The following ATXN7L1 variants were observed in gnomAD, a reference collection of about 807,000 sequenced individuals.
ATXN7L1 encodes ataxin-7-like protein 1.
In ATXN7L1, 15 loss-of-function variants were observed where a neutral mutation model predicts 70.8. The ratio of observed to expected loss-of-function variants is 0.21; its 90% CI spans 0.14 to 0.33. The LOEUF is 0.33. ATXN7L1 is among the 10% of genes least tolerant of loss of function. ATXN7L1 has a pLI of 1.00. For missense variants in ATXN7L1, 975 were observed against 1,097.1 expected (o/e 0.89, Z 1.57); for synonymous variants, 440 against 445.1 (o/e 0.99, Z 0.14).
At chr7:105,808,574 CA>C (rs1290997118) in intron 2 of ATXN7L1, among the ~76,000 whole-genome samples, 2 of 152,228 alleles carry the variant, frequency 1.3e-5, no homozygotes, top group East Asian at 3.8e-4. Context: ...TGAGAAAAAT[CA>C]GCACCTAAAA....
chr7:105,658,206 T>C (rs1338985330), intron 4 of ATXN7L1, among the ~76,000 whole-genome samples: 1 of 110,782 alleles, frequency 9.0e-6, no homozygotes, highest in Non-Finnish European at 1.9e-5. Flanking sequence ...GACAGAGCTA[T>C]ACCCCATCTC....
intron 2 of ATXN7L1, among the ~76,000 whole-genome samples, chr7:105,812,937 G>A (rs1233193114): frequency 6.6e-6 from 1 of 152,180 alleles, no homozygotes; most frequent in East Asian, 1.9e-4. Context: ...GGGAGGTCAA[G>A]GCTGCAGTTG....
rs1050387789 is a variant in ATXN7L1, at chr7:105,839,808, C to T, written c.250+36004G>A. On this transcript the variant is annotated intron_variant, in intron 2 of 11. Transcript: ENST00000419735. ...GAAAGAGGAATATAAATGAGACATA[C>T]GGTCTGTGTTAAAGGCACCCAGAGT... Among the ~76,000 whole-genome samples, 7 of 152,218 alleles carry T rather than the reference C, an allele frequency of 4.6e-5. No homozygotes were observed. The East Asian group carries it at 5.8e-4, about 13-fold the overall frequency.
intron 2 of ATXN7L1, among the ~76,000 whole-genome samples, chr7:105,831,287 G>A (rs185593498): frequency 6.6e-6 from 1 of 152,188 alleles, no homozygotes. Flanking sequence ...TCACTGTAGC[G>A]AGAAAGGCTG....
chr7:105,642,111 T>C (rs1798348743), intron 5 of ATXN7L1, among the ~76,000 whole-genome samples: 1 of 152,168 alleles, frequency 6.6e-6, no homozygotes, highest in Non-Finnish European at 1.5e-5. Flanking sequence ...ACTGCCACGT[T>C]TAGTTCTACA....
At chr7:105,731,945 T>A (rs1180573107) in intron 3 of ATXN7L1, among the ~76,000 whole-genome samples, 1 of 151,078 alleles carries the variant, frequency 6.6e-6, no homozygotes, top group Admixed American at 6.6e-5. Context: ...ATACAAAAAT[T>A]AGCCGGGCAT....
chr7:105,853,199 C>T (rs1815139070), intron 2 of ATXN7L1, among the ~76,000 whole-genome samples: 1 of 152,208 alleles, frequency 6.6e-6, no homozygotes. Flanking sequence ...GAATTATACA[C>T]TCTAAACTGG....
chr7:105,759,757 A>T (rs1179732580), intron 3 of ATXN7L1, among the ~76,000 whole-genome samples: 5 of 152,058 alleles, frequency 3.3e-5, no homozygotes, highest in African/African-American at 1.2e-4. Context: ...TGTTTAGTGT[A>T]TTTTCTTATT....
At chr7:105,813,565 G>A (rs1048370327) in intron 2 of ATXN7L1, among the ~76,000 whole-genome samples, 4 of 152,036 alleles carry the variant, frequency 2.6e-5, no homozygotes, top group Non-Finnish European at 5.9e-5. Context: ...TCGAACTCCC[G>A]ACCTCAGGTG....
At chr7:105,626,917 T>A (rs1449532448) in intron 7 of ATXN7L1, among the ~76,000 whole-genome samples, 1 of 152,222 alleles carries the variant, frequency 6.6e-6, no homozygotes, top group East Asian at 1.9e-4. Flanking sequence ...GAACATGAAA[T>A]GTGGGTAGTA....
intron 3 of ATXN7L1, among the ~76,000 whole-genome samples, chr7:105,785,141 T>G (rs1584998771): frequency 6.6e-6 from 1 of 152,204 alleles, no homozygotes; most frequent in Non-Finnish European, 1.5e-5. Context: ...TTAACACCCA[T>G]GTCACAGGGC....
intron 4 of ATXN7L1, among the ~76,000 whole-genome samples, chr7:105,658,052 G>GT (rs1344956203): frequency 6.6e-6 from 1 of 152,060 alleles, no homozygotes; most frequent in African/African-American, 2.4e-5. Flanking sequence ...TGAAATGATA[G>GT]TATTTTGAAT....
intron 2 of ATXN7L1, among the ~76,000 whole-genome samples, chr7:105,824,129 G>T (rs966707094): frequency 1.3e-5 from 2 of 152,032 alleles, no homozygotes; most frequent in African/African-American, 4.8e-5. Context: ...GCAGGAAAGG[G>T]GATAATTCAT....
At chr7:105,746,664 A>C (rs911421361) in intron 3 of ATXN7L1, among the ~76,000 whole-genome samples, 2 of 152,200 alleles carry the variant, frequency 1.3e-5, no homozygotes, top group African/African-American at 2.4e-5. Flanking sequence ...GTTTCTAGAC[A>C]CAGGGAATCT....
At chr7:105,660,588 T>TC (rs1801447492) in intron 4 of ATXN7L1, among the ~76,000 whole-genome samples, 1 of 139,710 alleles carries the variant, frequency 7.2e-6, no homozygotes, top group Non-Finnish European at 1.6e-5. Flanking sequence ...TTTTTTTTTT[T>TC]TTTTTTTTTT....
At position 105,662,062 on chromosome 7, in the gene ATXN7L1, C is replaced by T. The variant is rs1347344206; in HGVS notation, c.578+3004G>A. 5.4e-3 allele frequency among the ~76,000 whole-genome samples: 458 copies of T among 85,574 alleles called. 6 individuals are homozygous for T. The highest frequency in any genetic ancestry group is 0.029 in the South Asian group (48 of 1,662). 56.1% of individuals were successfully genotyped at this position (85,574 alleles called of 152,430 possible). A position where few individuals can be genotyped will look rare whatever the true frequency, so the allele number is the denominator to read the frequency against. On this transcript the variant is annotated intron_variant, in intron 4 of 11. Transcript: ENST00000419735. The stretch of plus-strand genomic sequence containing the variant: ...TCCTTCCTTCCTTCCTTCCTTCCTT[C>T]CTTCCTTCCTTCCTTCCTTCTTTCT...
At chr7:105,731,749 A>AAAAGAAAAGAAAAGAAAAGAGAAAAG (rs1796568930) in intron 3 of ATXN7L1, among the ~76,000 whole-genome samples, 7 of 74,680 alleles carry the variant, frequency 9.4e-5, no homozygotes, top group South Asian at 4.1e-4. Flanking sequence ...TTACTCCTTA[A>AAAAGAAAAGAAAAGAAAAGAGAAAAG]AAAGAAAAGA....
At chr7:105,868,879 T>A (rs1563157971) in intron 2 of ATXN7L1, among the ~76,000 whole-genome samples, 1 of 152,246 alleles carries the variant, frequency 6.6e-6, no homozygotes, top group Non-Finnish European at 1.5e-5. Flanking sequence ...CAAATTATCA[T>A]ATACAGTGTT....
At chr7:105,809,316 A>G (rs1019914305) in intron 2 of ATXN7L1, among the ~76,000 whole-genome samples, 3 of 152,240 alleles carry the variant, frequency 2.0e-5, no homozygotes. Flanking sequence ...CTGTGAGTGT[A>G]TAGTACAGTA....
Sources: gnomAD v4.1 joint callset for allele counts (sites outside exome capture counted in the v4.1 genomes callset) on GRCh38, gnomAD v4.1.1 for gene constraint, MANE v1.5 for transcripts, NCBI Gene and HGNC (gene_info 2026-07-23, HGNC 2026-07-21) for gene names.